Variants in TSNARE1 observed in about 807,000 individuals in gnomAD.
TSNARE1 encodes the protein t-SNARE domain containing 1.
Under a neutral mutation model 62.0 loss-of-function variants are expected in TSNARE1, and 49 were observed. The observed-to-expected ratio is 0.79, with a 90% CI of 0.63 to 1.00. TSNARE1 has a LOEUF of 1.00. Among genes scored for constraint, TSNARE1 ranks in the 50% least tolerant of loss-of-function variants. The pLI is 0.00. For missense variants in TSNARE1, 755 were observed against 700.1 expected (o/e 1.08, Z -0.88); for synonymous variants, 328 against 294.4 (o/e 1.11, Z -1.17).
intron 5 of TSNARE1, 22 bp downstream of exon 5, chr8:142,331,732 C>T: frequency 6.3e-7 from 1 of 1,575,824 alleles, no homozygotes; most frequent in East Asian, 2.4e-5. Flanking sequence ...GAGGGGCAGG[C>T]CCAGGCCAGA....
At chr8:142,305,171 A>G (rs1826451415) in intron 9 of TSNARE1, among the ~76,000 whole-genome samples, 1 of 152,184 alleles carries the variant, frequency 6.6e-6, no homozygotes, top group Admixed American at 6.5e-5. Flanking sequence ...AGAAGGCACC[A>G]CAGGACGTTC....
chr8:142,357,218 A>G (rs1834817354), intron 1 of TSNARE1, among the ~76,000 whole-genome samples: 1 of 152,222 alleles, frequency 6.6e-6, no homozygotes, highest in Non-Finnish European at 1.5e-5. Context: ...CGAGCTGGTT[A>G]GGGGCCCCTC....
rs1322773342 is a variant in TSNARE1, at chr8:142,212,169, G to C, written c.*156C>G. On this transcript the variant is annotated 3_prime_UTR_variant, in exon 14 of 14. Transcript: ENST00000524325. ...GTGCAGGGGAGGACAGCAGGCAGCT[G>C]TGAAGCTCTCGGGTCCATTGCAGGC... 1 of 152,468 alleles carries C rather than the reference G, an allele frequency of 6.6e-6. No homozygotes were observed. Among genetic ancestry groups the C allele is most frequent in the Admixed American group, 6.5e-5 (1 of 15,292 alleles). The allele number at this position is 152,468 out of a possible 1,614,324, so 9.4% of individuals were successfully genotyped here.
chr8:142,276,910 C>T, intron 11 of TSNARE1: 1 of 985,462 alleles, frequency 1.0e-6, no homozygotes, highest in Non-Finnish European at 1.2e-6. Flanking sequence ...CAACATCTCC[C>T]TCAGCGCCCA....
chr8:142,238,859 A>G lies in TSNARE1; in HGVS notation c.1447-9280T>C, dbSNP rs1162074017. Among the ~76,000 whole-genome samples, 3 of 145,284 alleles carry G rather than the reference A, an allele frequency of 2.1e-5. No homozygotes were observed. The Admixed American group carries it at 2.1e-4, about 10-fold the overall frequency. Reference sequence around the variant, plus strand: ...CCCCTTCCTCACCTGGCTCCTGCCTACTCAGTCTCCCAACCTCAGCTCAGG... The same window carrying G: ...CCCCTTCCTCACCTGGCTCCTGCCTGCTCAGTCTCCCAACCTCAGCTCAGG... On this transcript the variant is annotated intron_variant, in intron 12 of 13. Transcript: ENST00000524325.
At chr8:142,371,586 A>T (rs573438251) in intron 1 of TSNARE1, among the ~76,000 whole-genome samples, 1 of 152,342 alleles carries the variant, frequency 6.6e-6, no homozygotes, top group East Asian at 1.9e-4. Flanking sequence ...CCAGGATCAC[A>T]GTCACCCTTG....
At chr8:142,293,892 A>T (rs1586610668) in intron 10 of TSNARE1, among the ~76,000 whole-genome samples, 1 of 152,302 alleles carries the variant, frequency 6.6e-6, no homozygotes, top group Non-Finnish European at 1.5e-5. Flanking sequence ...AGGAGGGGCC[A>T]CACTGGCCCA....
Position 142,265,177 on chromosome 8 carries a change from C to T in TSNARE1, c.1446+9604G>A, listed in dbSNP as rs74720278. Among the ~76,000 whole-genome samples the T allele has an allele frequency of 7.2e-3, 1,086 of 151,432 alleles. 19 individuals carry two copies. The highest frequency in any genetic ancestry group is 0.027 in the Middle Eastern group (8 of 292). Reference sequence around the variant, plus strand: ...TTATCACATATGTAGATTCATGTCACCAGCACCATGTTCAAAATACAAAAC... The same window carrying T: ...TTATCACATATGTAGATTCATGTCATCAGCACCATGTTCAAAATACAAAAC... On this transcript the variant is annotated intron_variant, in intron 12 of 13. Coordinates refer to ENST00000524325, the MANE Select transcript of TSNARE1 (RefSeq NM_145003.5).
chr8:142,310,909 GC>G (rs1827473820), intron 9 of TSNARE1, among the ~76,000 whole-genome samples: 1 of 152,090 alleles, frequency 6.6e-6, no homozygotes, highest in Admixed American at 6.5e-5. Context: ...GAATGAAATG[GC>G]ATGCTCTCAG....
At chr8:142,353,822 C>CT (rs1834433689) in intron 2 of TSNARE1, among the ~76,000 whole-genome samples, 1 of 152,074 alleles carries the variant, frequency 6.6e-6, no homozygotes, top group Non-Finnish European at 1.5e-5. Context: ...AGGACGCTCA[C>CT]TCCCCAGCAG....
intron 1 of TSNARE1, among the ~76,000 whole-genome samples, chr8:142,372,577 AGGGGCAAAGGGGCTCCTGCCTG>A (rs1407011033): frequency 1.3e-5 from 2 of 152,158 alleles, no homozygotes; most frequent in Non-Finnish European, 2.9e-5. Flanking sequence ...TGTGAGCAGC[AGGGGCAAAGGGGCTCCTGCCTG>A]GGGGCACCCC....
intron 10 of TSNARE1, among the ~76,000 whole-genome samples, chr8:142,297,462 G>C (rs991865578): frequency 3.3e-5 from 5 of 152,206 alleles, no homozygotes. Context: ...CACAAAGGGG[G>C]CTCTCTCTCA....
chr8:142,364,515 C>G (rs934043158), intron 1 of TSNARE1, among the ~76,000 whole-genome samples: 13 of 152,162 alleles, frequency 8.5e-5, no homozygotes, highest in African/African-American at 2.7e-4. Context: ...GCAATGGGCA[C>G]ACCCAGCACA....
intron 1 of TSNARE1, among the ~76,000 whole-genome samples, chr8:142,365,727 T>C (rs1263118943): frequency 6.6e-6 from 1 of 152,236 alleles, no homozygotes; most frequent in Non-Finnish European, 1.5e-5. Flanking sequence ...GTTTTCCTGT[T>C]AATCTGGCAA....
rs145432853 is a variant in TSNARE1, at chr8:142,314,112, A to C, written c.1131+272T>G. The stretch of plus-strand genomic sequence containing the variant: ...GTGTGTGTTTTCACCCAGGTTTCAC[A>C]GTGGCTCTCAGCAGGAGAGCTGGTC... On this transcript the variant is annotated intron_variant, in intron 9 of 13. Transcript: ENST00000524325. 5.5e-3 allele frequency among the ~76,000 whole-genome samples: 837 copies of C among 152,290 alleles called. 7 individuals carry two copies. Among genetic ancestry groups the C allele is most frequent in the Non-Finnish European group, 7.8e-3 (528 of 68,016 alleles).
At chr8:142,300,408 GC>G in intron 10 of TSNARE1, 77 bp downstream of exon 10, 1 of 1,491,572 alleles carries the variant, frequency 6.7e-7, no homozygotes. Context: ...GGTGCAGCAG[GC>G]TGGCACCTGG....
At chr8:142,236,768 C>G (rs537652488) in intron 12 of TSNARE1, among the ~76,000 whole-genome samples, 2 of 152,124 alleles carry the variant, frequency 1.3e-5, no homozygotes, top group African/African-American at 2.4e-5. Flanking sequence ...CCTCATGTTG[C>G]GTATCAATTA....
intron 12 of TSNARE1, among the ~76,000 whole-genome samples, chr8:142,259,367 A>G (rs2130380112): frequency 6.6e-6 from 1 of 152,264 alleles, no homozygotes; most frequent in East Asian, 1.9e-4. Context: ...GTAGACAGGA[A>G]AGGGCACGGT....
At chr8:142,226,202 C>T (rs1357344994) in intron 13 of TSNARE1, among the ~76,000 whole-genome samples, 1 of 152,206 alleles carries the variant, frequency 6.6e-6, no homozygotes, top group African/African-American at 2.4e-5. Flanking sequence ...TCATCACCAT[C>T]GCCACAGTAA....
Sources: allele counts gnomAD v4.1 joint callset (sites outside exome capture counted in the v4.1 genomes callset), GRCh38; gene constraint gnomAD v4.1.1; transcripts MANE v1.5; gene names NCBI Gene and HGNC (gene_info 2026-07-23, HGNC 2026-07-21).